OPCML: variants seen among roughly 807,000 people sequenced by gnomAD.
The protein encoded by OPCML is opioid binding protein/cell adhesion molecule like, also known as opioid-binding protein/cell adhesion molecule.
In OPCML, 13 loss-of-function variants were observed where a neutral mutation model predicts 37.8. The ratio of observed to expected loss-of-function variants is 0.34; its 90% CI spans 0.22 to 0.55. OPCML has a LOEUF of 0.55. Among genes scored for constraint, OPCML ranks in the 20% least tolerant of loss-of-function variants. The pLI is 0.91. For missense variants in OPCML, 341 were observed against 435.6 expected, an observed-to-expected ratio of 0.78 and a Z score of 1.93; for synonymous variants, 176 against 168.8, an observed-to-expected ratio of 1.04 and a Z score of -0.33.
chr11:133,496,004 C>T (rs562562535), intron 1 of OPCML, among the ~76,000 whole-genome samples: 9 of 152,132 alleles, frequency 5.9e-5, no homozygotes, highest in African/African-American at 1.4e-4. Flanking sequence ...GTTTTACCAA[C>T]GTTATCTTCT....
At position 132,420,460 on chromosome 11, in the gene OPCML, G is replaced by C; in HGVS notation, c.917-167C>G. 4.3e-6 allele frequency: 4 copies of C among 923,196 alleles called. No individual in the cohort carries two copies. In the South Asian group the frequency reaches 1.5e-4, roughly 35 times the overall value. 57.2% of individuals were successfully genotyped at this position (923,196 alleles called of 1,614,324 possible). On this transcript the variant is annotated intron_variant, in intron 7 of 7. Transcript: ENST00000524381. The stretch of plus-strand genomic sequence containing the variant: ...CATTGGGAGTATTTAGGAACTCAAA[G>C]GGGCAAGCTGTTGGGATGCCTTGAC...
At chr11:133,280,801 A>C (rs1942126213) in intron 1 of OPCML, among the ~76,000 whole-genome samples, 1 of 152,228 alleles carries the variant, frequency 6.6e-6, no homozygotes, top group Non-Finnish European at 1.5e-5. Context: ...TATGATGTTA[A>C]GAGTGGCATT....
At chr11:132,773,579 T>A (rs1168683104) in intron 2 of OPCML, among the ~76,000 whole-genome samples, 1 of 152,224 alleles carries the variant, frequency 6.6e-6, no homozygotes, top group African/African-American at 2.4e-5. Flanking sequence ...TACCTCCCAA[T>A]TAACCTTCAC....
chr11:133,502,284 C>T (rs1947932929), intron 1 of OPCML, among the ~76,000 whole-genome samples: 2 of 152,084 alleles, frequency 1.3e-5, no homozygotes, highest in Non-Finnish European at 2.9e-5. Flanking sequence ...GGCTTAGAGC[C>T]CACCCCCTCT....
At chr11:132,842,829 CAT>C (rs752488285) in intron 2 of OPCML, among the ~76,000 whole-genome samples, 10 of 152,292 alleles carry the variant, frequency 6.6e-5, no homozygotes, top group South Asian at 2.1e-4. Flanking sequence ...TCATTTGACA[CAT>C]GAGATTTACA....
rs376413363 is a variant in OPCML at position 132,541,204 on chromosome 11, C to T, written c.380-12018G>A. ...CAAGTCTCTCTCTCACAGGAAGGCCCCCTGAGTATTTCCGGCCTTCCTGGA... is the reference window on the plus strand; with the variant it reads ...CAAGTCTCTCTCTCACAGGAAGGCCTCCTGAGTATTTCCGGCCTTCCTGGA... On this transcript the variant is annotated intron_variant, in intron 3 of 7. Transcript: ENST00000524381. Among the ~76,000 whole-genome samples the T allele has an allele frequency of 6.8e-4, 104 of 152,276 alleles. 1 individual carries two copies. The South Asian group carries it at 7.0e-3, about 10-fold the overall frequency.
chr11:133,247,561 TTTCTTTC>T (rs1940977481), intron 1 of OPCML, among the ~76,000 whole-genome samples: 1 of 148,192 alleles, frequency 6.7e-6, no homozygotes. Flanking sequence ...TCTTTCTTTC[TTTCTTTC>T]TTTCTTTCTT....
chr11:133,490,552 C>T (rs573098015), intron 1 of OPCML, among the ~76,000 whole-genome samples: 6 of 152,130 alleles, frequency 3.9e-5, no homozygotes, highest in Non-Finnish European at 8.8e-5. Context: ...CAAGAAAAGG[C>T]AAATATGCTT....
intron 4 of OPCML, among the ~76,000 whole-genome samples, chr11:132,514,512 G>A (rs1291244486): frequency 6.6e-6 from 1 of 152,122 alleles, no homozygotes; most frequent in Non-Finnish European, 1.5e-5. Context: ...GCTTTTCTTT[G>A]TGGATTCCTG....
At chr11:132,897,784 T>C (rs1464909358) in intron 2 of OPCML, among the ~76,000 whole-genome samples, 2 of 152,156 alleles carry the variant, frequency 1.3e-5, no homozygotes, top group East Asian at 3.8e-4. Context: ...TAGGTACTGA[T>C]TCACAGGCTG....
intron 1 of OPCML, among the ~76,000 whole-genome samples, chr11:133,379,580 G>A (rs996539341): frequency 2.0e-5 from 3 of 152,148 alleles, no homozygotes; most frequent in Non-Finnish European, 4.4e-5. Flanking sequence ...TTCGCCTTGT[G>A]GGGTATTTTT....
At chr11:132,480,521 C>T (rs1173783258) in intron 4 of OPCML, among the ~76,000 whole-genome samples, 3 of 152,046 alleles carry the variant, frequency 2.0e-5, no homozygotes, top group Non-Finnish European at 4.4e-5. Context: ...ACAGAGAACA[C>T]CACAAAGATA....
At chr11:133,421,206 A>C in intron 1 of OPCML, 1 of 985,390 alleles carries the variant, frequency 1.0e-6, no homozygotes, top group Non-Finnish European at 1.2e-6. Context: ...GGGAAAGAGC[A>C]ATGCGTTCCA....
chr11:133,000,557 G>A (rs1946979207), intron 1 of OPCML, among the ~76,000 whole-genome samples: 1 of 152,224 alleles, frequency 6.6e-6, no homozygotes, highest in Non-Finnish European at 1.5e-5. Context: ...AATCCTTAAT[G>A]TATAATTGCA....
At chr11:133,249,265 G>A (rs754270747) in intron 1 of OPCML, among the ~76,000 whole-genome samples, 9 of 152,100 alleles carry the variant, frequency 5.9e-5, no homozygotes, top group Admixed American at 4.6e-4. Context: ...AAGGCAAAGC[G>A]GATTAGGCAT....
chr11:133,134,801 G>T (rs938305538), intron 1 of OPCML, among the ~76,000 whole-genome samples: 5 of 152,116 alleles, frequency 3.3e-5, no homozygotes, highest in African/African-American at 1.2e-4. Context: ...CCAGGAGGGC[G>T]CAGAGAGCTC....
chr11:133,023,341 G>T (rs1032375824), intron 1 of OPCML, among the ~76,000 whole-genome samples: 1 of 152,228 alleles, frequency 6.6e-6, no homozygotes, highest in Non-Finnish European at 1.5e-5. Flanking sequence ...CCTGCGGGTT[G>T]TGTGATGGAT....
intron 2 of OPCML, among the ~76,000 whole-genome samples, chr11:132,902,101 T>C (rs142785211): frequency 1.3e-5 from 2 of 152,212 alleles, no homozygotes; most frequent in Non-Finnish European, 2.9e-5. Flanking sequence ...AACCGTCCAG[T>C]GGGAGGCCAG....
chr11:133,430,569 T>C (rs1946096029), intron 1 of OPCML, among the ~76,000 whole-genome samples: 2 of 152,130 alleles, frequency 1.3e-5, no homozygotes, highest in Non-Finnish European at 2.9e-5. Context: ...TACAATTCAT[T>C]GGATTGAAAA....
Sources: gnomAD v4.1 joint callset for allele counts (sites outside exome capture counted in the v4.1 genomes callset) on GRCh38, gnomAD v4.1.1 for gene constraint, MANE v1.5 for transcripts, NCBI Gene and HGNC (gene_info 2026-07-23, HGNC 2026-07-21) for gene names.